RIMS2: variants seen among roughly 807,000 people sequenced by gnomAD.
The protein encoded by RIMS2 is regulating synaptic membrane exocytosis protein 2.
RIMS2 carries 59 observed loss-of-function variants against 174.4 expected under a neutral mutation model. The observed-to-expected ratio is 0.34, with a 90% CI of 0.27 to 0.42. RIMS2 has a LOEUF of 0.42. Among genes scored for constraint, RIMS2 ranks in the 10% least tolerant of loss-of-function variants. RIMS2 has a pLI of 1.00. For synonymous variants in RIMS2, 606 were observed against 572.5 expected, an observed-to-expected ratio of 1.06 and a Z score of -0.84; for missense variants, 1,620 against 1,666.3, an observed-to-expected ratio of 0.97 and a Z score of 0.48.
At chr8:103,862,117 T>C (rs1211088654) in intron 3 of RIMS2, among the ~76,000 whole-genome samples, 1 of 152,148 alleles carries the variant, frequency 6.6e-6, no homozygotes, top group East Asian at 1.9e-4. Context: ...AGGTCTTACA[T>C]GTAATTATTT....
chr8:103,508,713 A>G (rs1406095202), intron 1 of RIMS2, among the ~76,000 whole-genome samples: 1 of 152,128 alleles, frequency 6.6e-6, no homozygotes, highest in African/African-American at 2.4e-5. Flanking sequence ...TAGATTGGTT[A>G]GAAGGTGTAA....
chr8:104,100,477 C>G (rs1014777310), intron 19 of RIMS2, among the ~76,000 whole-genome samples: 6 of 151,956 alleles, frequency 3.9e-5, no homozygotes, highest in African/African-American at 1.5e-4. Flanking sequence ...TGTTGGTTAA[C>G]TTATGGCTAG....
intron 19 of RIMS2, among the ~76,000 whole-genome samples, chr8:104,199,203 A>G (rs2099041376): frequency 2.0e-5 from 3 of 152,080 alleles, no homozygotes; most frequent in Non-Finnish European, 4.4e-5. Context: ...CTGGGACTAC[A>G]GGCGCCCGCC....
intron 1 of RIMS2, among the ~76,000 whole-genome samples, chr8:103,558,256 T>C (rs1012001914): frequency 1.3e-5 from 2 of 152,332 alleles, no homozygotes; most frequent in Admixed American, 6.5e-5. Flanking sequence ...AGTCTTGCTC[T>C]GCCACCCAGG....
At chr8:103,528,698 T>G (rs1404248881) in intron 1 of RIMS2, among the ~76,000 whole-genome samples, 1 of 152,152 alleles carries the variant, frequency 6.6e-6, no homozygotes, top group Non-Finnish European at 1.5e-5. Flanking sequence ...GATCAGATGG[T>G]TGTGGATGTG....
intron 17 of RIMS2, among the ~76,000 whole-genome samples, chr8:104,004,117 T>C (rs1051545025): frequency 3.9e-5 from 6 of 152,164 alleles, no homozygotes; most frequent in Admixed American, 3.3e-4. Flanking sequence ...TTGGAATTAC[T>C]GAGAAAGCTA....
intron 3 of RIMS2, among the ~76,000 whole-genome samples, chr8:103,878,049 G>C (rs2099149706): frequency 6.6e-6 from 1 of 151,770 alleles, no homozygotes; most frequent in African/African-American, 2.4e-5. Flanking sequence ...TTTGATTTAT[G>C]GCGGTGGTTT....
At chr8:104,139,868 T>TC (rs1419908693) in intron 19 of RIMS2, among the ~76,000 whole-genome samples, 3 of 152,194 alleles carry the variant, frequency 2.0e-5, no homozygotes, top group Non-Finnish European at 2.9e-5. Flanking sequence ...TTTCAGCTTT[T>TC]CCCCATTCAG....
intron 16 of RIMS2, among the ~76,000 whole-genome samples, chr8:103,979,110 A>C (rs1225866750): frequency 6.6e-6 from 1 of 152,216 alleles, no homozygotes; most frequent in Non-Finnish European, 1.5e-5. Flanking sequence ...CTGTGAAATA[A>C]CTTTCAATTA....
chr8:103,581,467 A>T (rs2093615698), intron 1 of RIMS2, among the ~76,000 whole-genome samples: 1 of 152,216 alleles, frequency 6.6e-6, no homozygotes, highest in African/African-American at 2.4e-5. Flanking sequence ...TGTAGAAGGA[A>T]CATAACTCAA....
intron 19 of RIMS2, among the ~76,000 whole-genome samples, chr8:104,143,408 C>T (rs910309866): frequency 3.3e-5 from 5 of 151,880 alleles, no homozygotes; most frequent in Non-Finnish European, 7.4e-5. Context: ...TTTTTTCCTG[C>T]AAAGAACATG....
chr8:103,916,383 A>G, intron 7 of RIMS2, 31 bp from the exon 11 acceptor site: 3 of 1,545,550 alleles, frequency 1.9e-6, no homozygotes, highest in East Asian at 2.3e-5. Context: ...AATTTTCTGT[A>G]TAAGATTATT....
chr8:103,796,658 C>G (rs1294767983), intron 3 of RIMS2, among the ~76,000 whole-genome samples: 2 of 152,080 alleles, frequency 1.3e-5, no homozygotes, highest in Non-Finnish European at 2.9e-5. Flanking sequence ...TCTATTCTAG[C>G]TATGTATGTG....
At chr8:103,752,286 CTCTGT>C (rs1341760000) in intron 2 of RIMS2, among the ~76,000 whole-genome samples, 1 of 152,046 alleles carries the variant, frequency 6.6e-6, no homozygotes, top group Admixed American at 6.6e-5. Context: ...TTTCTGAGGG[CTCTGT>C]TCTGTTCCAT....
chr8:104,127,055 A>C (rs1384276001), intron 19 of RIMS2, among the ~76,000 whole-genome samples: 1 of 152,152 alleles, frequency 6.6e-6, no homozygotes, highest in African/African-American at 2.4e-5. Flanking sequence ...TTTAGCAAGA[A>C]AGAGTTAAAT....
At chr8:103,542,382 G>C (rs1046445697) in intron 1 of RIMS2, among the ~76,000 whole-genome samples, 2 of 152,146 alleles carry the variant, frequency 1.3e-5, no homozygotes, top group Non-Finnish European at 2.9e-5. Context: ...GAACCTGATG[G>C]TTTCACTGCT....
rs1819292164 is a variant in RIMS2 at position 103,500,820 on chromosome 8, C to T, written c.-67C>T. The T allele has an allele frequency of 3.8e-6, 4 of 1,066,120 alleles. No homozygotes were observed. The South Asian group carries it at 6.5e-5, about 17-fold the overall frequency. 66.0% of individuals were successfully genotyped at this position (1,066,120 alleles called of 1,614,324 possible). A position where few individuals can be genotyped will look rare whatever the true frequency, so the allele number is the denominator to read the frequency against. On this transcript the variant is annotated 5_prime_UTR_variant, in exon 1 of 24. Coordinates refer to ENST00000504942, the Ensembl canonical transcript of RIMS2. Reference sequence around the variant, plus strand: ...GCGCTGGAGGCTGCCCCAGCCGCCGCGCCGGTGCCGCCGCTGCCAGTGGAG... The same window carrying T: ...GCGCTGGAGGCTGCCCCAGCCGCCGTGCCGGTGCCGCCGCTGCCAGTGGAG...
At chr8:104,187,336 C>G (rs1210021710) in intron 19 of RIMS2, among the ~76,000 whole-genome samples, 1 of 151,690 alleles carries the variant, frequency 6.6e-6, no homozygotes, top group African/African-American at 2.4e-5. Flanking sequence ...ATAATATGAA[C>G]AATATAATGA....
At chr8:103,726,170 A>G (rs1234753777) in intron 2 of RIMS2, among the ~76,000 whole-genome samples, 1 of 152,176 alleles carries the variant, frequency 6.6e-6, no homozygotes, top group Admixed American at 6.6e-5. Flanking sequence ...CTTATGATGG[A>G]GTTACATCTA....
Sources: gnomAD v4.1 joint callset for allele counts (sites outside exome capture counted in the v4.1 genomes callset) on GRCh38, gnomAD v4.1.1 for gene constraint, MANE v1.5 for transcripts, NCBI Gene and HGNC (gene_info 2026-07-23, HGNC 2026-07-21) for gene names.